Variants in RPTOR observed in about 807,000 individuals in gnomAD.
The protein encoded by RPTOR is regulatory associated protein of MTOR complex 1.
A neutral mutation model predicts 169.9 loss-of-function variants in RPTOR; 21 were observed. The observed-to-expected ratio is 0.12, with a 90% CI of 0.09 to 0.18. RPTOR has a LOEUF of 0.18. Ranked by LOEUF, RPTOR falls within the 10% of genes least tolerant of loss-of-function variation. RPTOR has a pLI of 1.00. For synonymous variants in RPTOR, 732 were observed against 753.2 expected (o/e 0.97, Z 0.46); for missense variants, 1,133 against 1,855.9 (o/e 0.61, Z 7.16).
At chr17:80,769,491 C>G (rs1567902561) in intron 6 of RPTOR, among the ~76,000 whole-genome samples, 1 of 152,170 alleles carries the variant, frequency 6.6e-6, no homozygotes, top group Non-Finnish European at 1.5e-5. Context: ...CCCATCCTGT[C>G]CCAGGTAGCC....
At chr17:80,857,672 C>G (rs2067868878) in intron 12 of RPTOR, 118 bp from the exon 13 acceptor site, 1 of 654,014 alleles carries the variant, frequency 1.5e-6, no homozygotes, top group African/African-American at 1.8e-5. Flanking sequence ...CCATTCATTC[C>G]TGTTGCGTTT....
At position 80,726,297 on chromosome 17, in the gene RPTOR, G is replaced by A. The variant is rs543732373; in HGVS notation, c.508-4263G>A. 2.6e-5 allele frequency among the ~76,000 whole-genome samples: 4 copies of A among 152,292 alleles called. No individual in the cohort carries two copies. Among genetic ancestry groups the A allele is most frequent in the East Asian group, 1.9e-4 (1 of 5,188 alleles). On this transcript the variant is annotated intron_variant, in intron 4 of 33. Coordinates refer to ENST00000306801, the MANE Select transcript of RPTOR (RefSeq NM_020761.3). This position sits in a 1 kb window ranked among gnomAD's most constrained non-coding sequence, Gnocchi z 4.5. ...GTGCCGTGCTGCCTCCTGGACGCAC[G>A]CTAGGAGGTGGAGATGGTCCAGCCC...
intron 3 of RPTOR, among the ~76,000 whole-genome samples, chr17:80,700,718 G>GTGATGATGGTGGTGA (rs2066088064): frequency 1.7e-4 from 1 of 5,886 alleles, no homozygotes; most frequent in African/African-American, 4.5e-4. Flanking sequence ...GATGGTGGTG[G>GTGATGATGGTGGTGA]TGGTGGTGGT....
Position 80,947,574 on chromosome 17 carries a change from G to C in RPTOR, c.3265+223G>C, listed in dbSNP as rs1297761438. Among the ~76,000 whole-genome samples the C allele has an allele frequency of 1.3e-5, 2 of 152,202 alleles. No individual in the cohort carries two copies. The highest frequency in any genetic ancestry group is 6.5e-5 in the Admixed American group (1 of 15,282). On this transcript the variant is annotated intron_variant, in intron 27 of 33. Transcript: ENST00000306801. This position sits in a 1 kb window ranked among gnomAD's most constrained non-coding sequence, Gnocchi z 4.4. ...CCATCCTTGAGGGTTCCAGGGACTT[G>C]TCTTCTCATCTCAGTCCTCTAGCCC...
At chr17:80,892,576 G>A (rs2068339958) in intron 18 of RPTOR, among the ~76,000 whole-genome samples, 153 bp from the exon 19 acceptor site, 1 of 152,268 alleles carries the variant, frequency 6.6e-6, no homozygotes, top group Non-Finnish European at 1.5e-5. Flanking sequence ...GCTCACGTCT[G>A]AGTCTCCCTG....
chr17:80,576,628 A>C (rs1008245032), intron 1 of RPTOR, among the ~76,000 whole-genome samples: 11 of 152,194 alleles, frequency 7.2e-5, no homozygotes, highest in Admixed American at 2.6e-4. Flanking sequence ...TGACTGAAAG[A>C]CTTCAGAATT....
At chr17:80,698,069 G>A (rs1011404474) in intron 3 of RPTOR, among the ~76,000 whole-genome samples, 9 of 146,672 alleles carry the variant, frequency 6.1e-5, no homozygotes, top group Non-Finnish European at 1.3e-4. Context: ...GATCCCAGAC[G>A]GGTGGGTGCG....
intron 1 of RPTOR, among the ~76,000 whole-genome samples, chr17:80,618,104 C>T (rs1052374630): frequency 6.6e-6 from 1 of 152,044 alleles, no homozygotes; most frequent in African/African-American, 2.4e-5. Flanking sequence ...CCTCAGCCTC[C>T]CGAGTAGCTG....
At chr17:80,906,756 C>A (rs1279186325) in intron 20 of RPTOR, among the ~76,000 whole-genome samples, 1 of 152,118 alleles carries the variant, frequency 6.6e-6, no homozygotes, top group Non-Finnish European at 1.5e-5. Flanking sequence ...TAGATGGCAG[C>A]GTGACCTCCT....
At chr17:80,761,551 GT>G (rs1195257706) in intron 6 of RPTOR, among the ~76,000 whole-genome samples, 2 of 152,270 alleles carry the variant, frequency 1.3e-5, no homozygotes, top group East Asian at 1.9e-4. Context: ...AGGCTAAGTG[GT>G]TTGCAGTGCC....
intron 1 of RPTOR, among the ~76,000 whole-genome samples, chr17:80,579,905 C>T (rs1401768454): frequency 6.6e-6 from 1 of 152,126 alleles, no homozygotes; most frequent in Non-Finnish European, 1.5e-5. Context: ...GGGATTATTC[C>T]TGATGCAGTG....
chr17:80,704,938 T>C (rs1028355907), intron 3 of RPTOR, among the ~76,000 whole-genome samples: 11 of 152,386 alleles, frequency 7.2e-5, no homozygotes, highest in Non-Finnish European at 8.8e-5. Context: ...AGCTGGGCAT[T>C]GAACAGGCTC....
intron 13 of RPTOR, among the ~76,000 whole-genome samples, chr17:80,866,626 T>C (rs2067995112): frequency 6.6e-6 from 1 of 152,166 alleles, no homozygotes; most frequent in Non-Finnish European, 1.5e-5. Context: ...ATTCTAGGGA[T>C]ATTAAAAGGA....
intron 10 of RPTOR, among the ~76,000 whole-genome samples, chr17:80,840,608 T>C (rs1198894474): frequency 2.7e-5 from 1 of 37,664 alleles, no homozygotes; most frequent in Non-Finnish European, 7.6e-5. Context: ...GGCAGCTCAC[T>C]CTCACCACAC....
intron 10 of RPTOR, among the ~76,000 whole-genome samples, chr17:80,838,498 G>A (rs2067590548): frequency 6.6e-6 from 1 of 152,206 alleles, no homozygotes; most frequent in Non-Finnish European, 1.5e-5. Context: ...GGTGGCCCCG[G>A]GCCTTCGCGG....
At chr17:80,548,485 T>A (rs1413321915) in intron 1 of RPTOR, among the ~76,000 whole-genome samples, 3 of 146,906 alleles carry the variant, frequency 2.0e-5, no homozygotes, top group African/African-American at 7.6e-5. Flanking sequence ...AGGATCAAGC[T>A]ATTCTCCTGC....
chr17:80,816,921 G>T (rs1393869141), intron 7 of RPTOR, among the ~76,000 whole-genome samples: 1 of 152,226 alleles, frequency 6.6e-6, no homozygotes. Flanking sequence ...TCCCATTCCT[G>T]CGAGGCGGCT....
chr17:80,673,378 C>G (rs1480747183), intron 3 of RPTOR, among the ~76,000 whole-genome samples: 1 of 152,130 alleles, frequency 6.6e-6, no homozygotes, highest in Non-Finnish European at 1.5e-5. Flanking sequence ...TTGTTGGATG[C>G]TTGTTTTGGA....
chr17:80,730,509 C>T lies in RPTOR; in HGVS notation c.508-51C>T. 1 of 1,598,308 alleles carries T rather than the reference C, an allele frequency of 6.3e-7. No homozygotes were observed. Among genetic ancestry groups the T allele is most frequent in the Middle Eastern group, 1.7e-4 (1 of 6,024 alleles). On this transcript the variant is annotated intron_variant, in intron 4 of 33. Transcript: ENST00000306801. This position sits in a 1 kb window ranked among gnomAD's most constrained non-coding sequence, Gnocchi z 4.2. ...GTAACGGTGCAGTACTCACCAGCAG[C>T]CCATATTCCTGAGACGCACATGTAA...
Sources: allele counts gnomAD v4.1 joint callset (sites outside exome capture counted in the v4.1 genomes callset), GRCh38; gene constraint gnomAD v4.1.1; non-coding constraint Gnocchi (gnomAD v3.1); transcripts MANE v1.5; gene names NCBI Gene and HGNC (gene_info 2026-07-23, HGNC 2026-07-21).